ARMC2: variants seen among roughly 807,000 people sequenced by gnomAD.
The protein encoded by ARMC2 is armadillo repeat containing 2.
A neutral mutation model predicts 90.3 loss-of-function variants in ARMC2; 67 were observed. That is an observed-to-expected ratio of 0.74 (90% CI 0.61 to 0.91). The LOEUF (loss-of-function observed/expected upper bound fraction) is 0.91, where lower values mean the gene tolerates loss of function less well. Ranked by LOEUF, ARMC2 falls within the 40% of genes least tolerant of loss-of-function variation. The pLI is 0.00. For synonymous variants in ARMC2, 393 were observed against 393.0 expected (o/e 1.00, Z 0.00); for missense variants, 920 against 1,030.9 (o/e 0.89, Z 1.47).
chr6:108,899,943 A>G (rs1771959926), intron 7 of ARMC2, among the ~76,000 whole-genome samples, 151 bp downstream of exon 7: 1 of 152,140 alleles, frequency 6.6e-6, no homozygotes, highest in South Asian at 2.1e-4. Flanking sequence ...GAAGTCATCT[A>G]TTTATTTACC....
chr6:109,048,324 C>A, the ARMC2 span, among the ~76,000 whole-genome samples: 1 of 152,180 alleles, frequency 6.6e-6, no homozygotes, highest in African/African-American at 2.4e-5. Flanking sequence ...CTGAGACATT[C>A]ATTCCTCCAC....
the ARMC2 span, among the ~76,000 whole-genome samples, chr6:109,030,003 A>G: frequency 2.0e-5 from 3 of 152,170 alleles, no homozygotes; most frequent in African/African-American, 7.2e-5. Context: ...ACGGTACCCA[A>G]CCCTCAAAAT....
intron 5 of ARMC2, among the ~76,000 whole-genome samples, chr6:108,877,186 C>T (rs756566457): frequency 1.3e-5 from 2 of 152,122 alleles, no homozygotes; most frequent in South Asian, 2.1e-4. Flanking sequence ...GATAACTGCC[C>T]GGTTCAGATT....
chr6:108,852,375 A>G (rs1774097294), intron 1 of ARMC2, among the ~76,000 whole-genome samples: 1 of 152,202 alleles, frequency 6.6e-6, no homozygotes, highest in Non-Finnish European at 1.5e-5. Flanking sequence ...TTGGTGGAAA[A>G]AAGAAGAAGG....
Position 108,867,858 on chromosome 6 carries a change from C to T in ARMC2, c.292-966C>T, listed in dbSNP as rs576826192. 9.9e-5 allele frequency among the ~76,000 whole-genome samples: 15 copies of T among 150,986 alleles called. No homozygotes were observed. The East Asian group carries it at 2.2e-3, about 22-fold the overall frequency. On this transcript the variant is annotated intron_variant, in intron 3 of 17. Coordinates refer to ENST00000392644, the MANE Select transcript of ARMC2 (RefSeq NM_032131.6). The stretch of plus-strand genomic sequence containing the variant: ...CTGAGGCCGGAGAATCACTTGAATC[C>T]GGAAGGCGGAGGTTGCAGTGAGCCG...
the ARMC2 span, among the ~76,000 whole-genome samples, chr6:109,037,326 A>G: frequency 6.6e-6 from 1 of 152,232 alleles, no homozygotes; most frequent in African/African-American, 2.4e-5. Context: ...AGGGCACAGA[A>G]AAGAAGTATG....
At chr6:108,963,400 T>G (rs1778136860) in intron 15 of ARMC2, among the ~76,000 whole-genome samples, 1 of 152,182 alleles carries the variant, frequency 6.6e-6, no homozygotes. Flanking sequence ...TAACTGCACA[T>G]TTTGCTGGGC....
chr6:108,938,444 G>A (rs1167169584), intron 12 of ARMC2, among the ~76,000 whole-genome samples: 1 of 150,484 alleles, frequency 6.6e-6, no homozygotes, highest in Non-Finnish European at 1.5e-5. Flanking sequence ...GTAGAGACAG[G>A]GTTTTGCCAT....
intron 7 of ARMC2, 59 bp downstream of exon 7, chr6:108,899,851 T>C: frequency 7.8e-7 from 1 of 1,285,308 alleles, no homozygotes; most frequent in Non-Finnish European, 1.1e-6. Context: ...AAAATACCTG[T>C]AGTTATTTAT....
intron 8 of ARMC2, among the ~76,000 whole-genome samples, chr6:108,910,514 AT>A (rs1390071059): frequency 6.6e-6 from 1 of 152,198 alleles, no homozygotes; most frequent in African/African-American, 2.4e-5. Flanking sequence ...TGGAGAACAG[AT>A]TGGAGGTTCC....
intron 2 of ARMC2, chr6:108,856,569 TCA>T (rs2128416940): frequency 4.6e-6 from 1 of 219,356 alleles, no homozygotes; most frequent in East Asian, 1.1e-4. Context: ...CACAGGCTCA[TCA>T]CAGTTAGATG....
chr6:108,880,663 A>G (rs890580135), intron 5 of ARMC2, among the ~76,000 whole-genome samples: 1 of 151,970 alleles, frequency 6.6e-6, no homozygotes, highest in Non-Finnish European at 1.5e-5. Context: ...TTGTGAACCA[A>G]TGTGTTCCTT....
chr6:108,922,099 G>C (rs1236600596), intron 10 of ARMC2, among the ~76,000 whole-genome samples: 1 of 152,168 alleles, frequency 6.6e-6, no homozygotes, highest in Non-Finnish European at 1.5e-5. Context: ...ATGGAGGAAG[G>C]GCACAGAGGG....
At chr6:108,972,713 G>T (rs1245804260) in intron 17 of ARMC2, among the ~76,000 whole-genome samples, 1 of 152,222 alleles carries the variant, frequency 6.6e-6, no homozygotes, top group East Asian at 1.9e-4. Context: ...TCTTAGGCTG[G>T]ATGGCGGTGG....
chr6:108,850,787 C>T (rs944786214), intron 1 of ARMC2, among the ~76,000 whole-genome samples: 6 of 152,078 alleles, frequency 3.9e-5, no homozygotes, highest in South Asian at 2.1e-4. Context: ...CTCACGTGGA[C>T]GGTTGGGGCA....
the ARMC2 span, among the ~76,000 whole-genome samples, chr6:108,992,091 G>GC: frequency 1.3e-5 from 2 of 151,446 alleles, no homozygotes; most frequent in Non-Finnish European, 2.9e-5. Flanking sequence ...CCTAAATTTT[G>GC]CCCCTTAGCT....
chr6:108,958,237 G>A (rs965542298), intron 13 of ARMC2, among the ~76,000 whole-genome samples: 4 of 152,068 alleles, frequency 2.6e-5, no homozygotes, highest in Admixed American at 6.6e-5. Flanking sequence ...TCCAGCCTCC[G>A]TAACTGTGAG....
At chr6:108,935,498 G>A (rs1775884206) in intron 11 of ARMC2, among the ~76,000 whole-genome samples, 1 of 152,084 alleles carries the variant, frequency 6.6e-6, no homozygotes. Flanking sequence ...CTGGAGTGCA[G>A]TGTTGTGATC....
At chr6:109,021,545 C>T in the ARMC2 span, among the ~76,000 whole-genome samples, 1 of 151,942 alleles carries the variant, frequency 6.6e-6, no homozygotes, top group Non-Finnish European at 1.5e-5. Context: ...TCAAGCAATT[C>T]TCGTGCCTCA....
Sources: gnomAD v4.1 joint callset for allele counts (sites outside exome capture counted in the v4.1 genomes callset) on GRCh38, gnomAD v4.1.1 for gene constraint, MANE v1.5 for transcripts, NCBI Gene and HGNC (gene_info 2026-07-23, HGNC 2026-07-21) for gene names.